The following PDZD9 variants were observed in gnomAD, a reference collection of about 807,000 sequenced individuals.
The protein encoded by PDZD9 is PDZ domain containing 9, also known as PDZ domain-containing protein 9.
PDZD9 carries 13 observed loss-of-function variants against 16.3 expected under a neutral mutation model. The ratio of observed to expected loss-of-function variants is 0.80; its 90% CI spans 0.52 to 1.27. The LOEUF (loss-of-function observed/expected upper bound fraction) is 1.27. Ranked by LOEUF, PDZD9 falls within the 50% of genes most tolerant of loss-of-function variation. The pLI is 0.00. For missense variants in PDZD9, 288 were observed against 310.9 expected, an observed-to-expected ratio of 0.93 and a Z score of 0.55; for synonymous variants, 120 against 111.0, an observed-to-expected ratio of 1.08 and a Z score of -0.51.
intron 3 of PDZD9, among the ~76,000 whole-genome samples, chr16:21,985,932 A>C (rs1452751890): frequency 1.3e-5 from 2 of 152,134 alleles, no homozygotes; most frequent in Non-Finnish European, 2.9e-5. Flanking sequence ...CCTGAACAGC[A>C]CATGAATTTT....
chr16:21,998,922 G>A (rs1279075447), intron 1 of PDZD9: 1 of 227,124 alleles, frequency 4.4e-6, no homozygotes, highest in Non-Finnish European at 1.0e-5. Flanking sequence ...CTTCATTTTG[G>A]AGAGAAGACT....
chr16:21,959,424 T>C, the PDZD9 span: 1 of 207,134 alleles, frequency 4.8e-6, no homozygotes, highest in Non-Finnish European at 1.0e-5. Flanking sequence ...TCCTCATCTG[T>C]TCAAGCTTTA....
chr16:21,965,284 T>A, the PDZD9 span: 1 of 744,252 alleles, frequency 1.3e-6, no homozygotes, highest in Non-Finnish European at 2.2e-6. Flanking sequence ...AAATTTTAAG[T>A]CCTCTTAACA....
chr16:21,993,620 CA>C (rs1310059874), intron 2 of PDZD9, among the ~76,000 whole-genome samples: 1 of 152,098 alleles, frequency 6.6e-6, no homozygotes, highest in East Asian at 1.9e-4. Flanking sequence ...TGTCCCAGTC[CA>C]AGAACGATTG....
At chr16:21,992,680 G>A (rs1024227216) in intron 2 of PDZD9, among the ~76,000 whole-genome samples, 2 of 152,186 alleles carry the variant, frequency 1.3e-5, no homozygotes, top group African/African-American at 4.8e-5. Context: ...TTACACCAGT[G>A]TTTTGCCAGG....
the PDZD9 span, among the ~76,000 whole-genome samples, chr16:21,967,145 T>G: frequency 6.6e-6 from 1 of 152,110 alleles, no homozygotes; most frequent in African/African-American, 2.4e-5. Flanking sequence ...CTAAAGAAAT[T>G]GGCGCTAGAA....
chr16:21,983,201 G>A, downstream of PDZD9: 1 of 1,581,888 alleles, frequency 6.3e-7, no homozygotes, highest in Non-Finnish European at 8.7e-7. Flanking sequence ...GGAGAGAGCT[G>A]AACGTTCTCT....
chr16:22,001,053 C>T lies in PDZD9; in HGVS notation c.-6G>A, dbSNP rs141574396. ...TTGTGGGAGGCCTTCTGCATGGTCC[C>T]GGGAGGTCAGGCAGCCCGGGAGGGC... On this transcript the variant is annotated 5_prime_UTR_variant, in exon 1 of 4. Coordinates refer to ENST00000424898, the MANE Select transcript of PDZD9 (RefSeq NM_001363519.1). The T allele has an allele frequency of 0.019, 29,616 of 1,527,206 alleles. 345 individuals carry two copies. The highest frequency in any genetic ancestry group is 0.022 in the Non-Finnish European group (25,337 of 1,143,148). 94.6% of individuals were successfully genotyped at this position (1,527,206 alleles called of 1,614,324 possible). A position where few individuals can be genotyped will look rare whatever the true frequency, so the allele number is the denominator to read the frequency against.
chr16:21,965,472 T>C, the PDZD9 span: 5 of 1,611,072 alleles, frequency 3.1e-6, no homozygotes, highest in Non-Finnish European at 4.2e-6. Flanking sequence ...TGTATTGTCC[T>C]GACTATAGGA....
chr16:21,999,235 C>A, intron 1 of PDZD9: 1 of 206,876 alleles, frequency 4.8e-6, no homozygotes. Flanking sequence ...GAGGAAAGTG[C>A]TCGCTAGGGC....
At chr16:21,971,470 C>T in the PDZD9 span, 26 of 1,380,722 alleles carry the variant, frequency 1.9e-5, no homozygotes, top group South Asian at 5.0e-5. Context: ...AAATATTTTA[C>T]GATTGTGTTT....
chr16:21,984,098 CT>C lies in PDZD9; in HGVS notation c.*168del. 2 of 665,998 alleles carry C rather than the reference CT, an allele frequency of 3.0e-6. No individual in the cohort carries two copies. The highest frequency in any genetic ancestry group is 2.4e-6 in the Non-Finnish European group (1 of 421,146). The allele number at this position is 665,998 out of a possible 1,614,324, so 41.3% of individuals were successfully genotyped here. A position where few individuals can be genotyped will look rare whatever the true frequency, so the allele number is the denominator to read the frequency against. On this transcript the variant is annotated 3_prime_UTR_variant, in exon 4 of 4. Coordinates refer to ENST00000424898, the MANE Select transcript of PDZD9 (RefSeq NM_001363519.1). ...GAGGCCTGCAAGAACCCAAGGAAGT[CT>C]TTAGATAATCCTGTTGAAGAACATC...
chr16:21,975,610 T>C, the PDZD9 span, among the ~76,000 whole-genome samples: 1 of 152,186 alleles, frequency 6.6e-6, no homozygotes, highest in African/African-American at 2.4e-5. Flanking sequence ...TTTTTTTAAA[T>C]ACCATACAAG....
the PDZD9 span, among the ~76,000 whole-genome samples, chr16:21,975,842 A>C: frequency 6.6e-6 from 1 of 152,128 alleles, no homozygotes; most frequent in Non-Finnish European, 1.5e-5. Context: ...TATAATCCCA[A>C]CACTTTGGGA....
the PDZD9 span, among the ~76,000 whole-genome samples, chr16:21,977,962 CA>C: frequency 6.6e-6 from 1 of 152,080 alleles, no homozygotes; most frequent in Non-Finnish European, 1.5e-5. Flanking sequence ...GTACCAGAAA[CA>C]AAACATGATG....
At chr16:21,976,094 T>C in the PDZD9 span, 1 of 1,040,404 alleles carries the variant, frequency 9.6e-7, no homozygotes, top group Non-Finnish European at 1.5e-6. Flanking sequence ...TTTGCCTCAG[T>C]AAAGAAGTGT....
chr16:21,987,033 T>C (rs1207735842), intron 3 of PDZD9, among the ~76,000 whole-genome samples: 3 of 152,212 alleles, frequency 2.0e-5, no homozygotes, highest in Admixed American at 1.3e-4. Flanking sequence ...TAGAGCATCA[T>C]TGGCCAATGT....
chr16:21,980,490 GAA>G, downstream of PDZD9: 4 of 1,450,352 alleles, frequency 2.8e-6, no homozygotes, highest in Admixed American at 2.0e-5. Context: ...CCACCACTCA[GAA>G]AAAAAAAATA....
At chr16:21,961,316 G>A in the PDZD9 span, 1 of 448,084 alleles carries the variant, frequency 2.2e-6, no homozygotes, top group Non-Finnish European at 4.5e-6. Context: ...CGATCTAAGT[G>A]TCCATCTTTA....
Sources: gnomAD v4.1 joint callset for allele counts (sites outside exome capture counted in the v4.1 genomes callset) on GRCh38, gnomAD v4.1.1 for gene constraint, MANE v1.5 for transcripts, NCBI Gene and HGNC (gene_info 2026-07-23, HGNC 2026-07-21) for gene names.